Variants in ZNF710 observed in about 807,000 individuals in gnomAD.
ZNF710 encodes the protein zinc finger protein 710.
A neutral mutation model predicts 50.6 loss-of-function variants in ZNF710; 13 were observed. That is an observed-to-expected ratio of 0.26 (90% CI 0.17 to 0.41). ZNF710 has a LOEUF of 0.41. Among genes scored for constraint, ZNF710 ranks in the 10% least tolerant of loss-of-function variants. ZNF710 has a pLI of 1.00. For synonymous variants in ZNF710, 383 were observed against 397.0 expected (o/e 0.96, Z 0.42); for missense variants, 721 against 936.6 (o/e 0.77, Z 3.01).
At chr15:90,018,237 C>T (rs1246734660) in intron 1 of ZNF710, among the ~76,000 whole-genome samples, 2 of 148,556 alleles carry the variant, frequency 1.3e-5, no homozygotes, top group Non-Finnish European at 3.0e-5. Flanking sequence ...GGCGTGATCT[C>T]GACTCACTGC....
intron 1 of ZNF710, among the ~76,000 whole-genome samples, chr15:90,015,974 A>T (rs1304468348): frequency 6.6e-6 from 1 of 152,156 alleles, no homozygotes; most frequent in Non-Finnish European, 1.5e-5. Context: ...AATGTACACT[A>T]TGTACCAACT....
At chr15:90,052,223 A>G (rs538346522) in intron 1 of ZNF710, among the ~76,000 whole-genome samples, 1 of 152,160 alleles carries the variant, frequency 6.6e-6, no homozygotes, top group South Asian at 2.1e-4. Context: ...CTGAAGACCT[A>G]GGGCCCCTTT....
At chr15:90,038,641 C>A (rs1038187751) in intron 1 of ZNF710, among the ~76,000 whole-genome samples, 26 of 151,708 alleles carry the variant, frequency 1.7e-4, no homozygotes, top group African/African-American at 6.3e-4. Context: ...ATCCAAAAAT[C>A]TTCATGCATT....
At chr15:90,015,901 G>A (rs1323367579) in intron 1 of ZNF710, among the ~76,000 whole-genome samples, 7 of 152,126 alleles carry the variant, frequency 4.6e-5, no homozygotes, top group Admixed American at 1.3e-4. Context: ...GAGTCACCGC[G>A]CCCAATGCCA....
At chr15:90,056,852 G>A in intron 1 of ZNF710, among the ~76,000 whole-genome samples, 1 of 152,078 alleles carries the variant, frequency 6.6e-6, no homozygotes, top group East Asian at 1.9e-4. Flanking sequence ...GTTAGTTTAG[G>A]CAGGCTCATT....
chr15:90,014,255 A>G (rs1207278315), intron 1 of ZNF710, among the ~76,000 whole-genome samples: 1 of 152,112 alleles, frequency 6.6e-6, no homozygotes, highest in Non-Finnish European at 1.5e-5. Flanking sequence ...ACCATGGATC[A>G]ACTCTTGACT....
At chr15:90,008,839 A>C (rs1325819718) in intron 1 of ZNF710, among the ~76,000 whole-genome samples, 1 of 152,068 alleles carries the variant, frequency 6.6e-6, no homozygotes, top group Non-Finnish European at 1.5e-5. Flanking sequence ...TCTGATATTA[A>C]ATACATATGC....
Position 90,067,622 on chromosome 15 carries a change from G to A in ZNF710, c.485G>A (p.Ser162Asn). 6.2e-7 allele frequency: 1 copy of A among 1,611,844 alleles called. No individual in the cohort carries two copies. The highest frequency in any genetic ancestry group is 8.5e-7 in the Non-Finnish European group (1 of 1,179,248). The change falls in exon 2 of 5, where the codon AGC (serine) becomes AAC (asparagine). Residue 162 changes from serine to asparagine, a missense_variant. This residue lies in a region of ZNF710 where 326 missense variants were observed against 347.1 expected (regional missense o/e 0.94). Coordinates refer to ENST00000268154, the MANE Select transcript of ZNF710 (RefSeq NM_198526.4). This position sits in a 1 kb window ranked among gnomAD's most constrained non-coding sequence, Gnocchi z 8.1. The part of the protein sequence containing the change: ...QSSAVKMIDL[S>N]AFSRKPRTLR... ...AGCGCCGTCAAGATGATCGACCTCA[G>A]CGCCTTCAGCCGCAAGCCCCGGACG...
At chr15:90,015,808 A>G (rs927197723) in intron 1 of ZNF710, among the ~76,000 whole-genome samples, 12 of 152,142 alleles carry the variant, frequency 7.9e-5, no homozygotes, top group Admixed American at 7.9e-4. Context: ...ACAAGGTCTC[A>G]CTATATTGCC....
chr15:90,021,243 C>T (rs1190349158), intron 1 of ZNF710, among the ~76,000 whole-genome samples: 1 of 152,194 alleles, frequency 6.6e-6, no homozygotes, highest in African/African-American at 2.4e-5. Flanking sequence ...CCTGAAAGAG[C>T]CCCGCTGAAG....
chr15:90,047,534 T>C (rs1899501307), intron 1 of ZNF710, among the ~76,000 whole-genome samples: 1 of 152,098 alleles, frequency 6.6e-6, no homozygotes, highest in Non-Finnish European at 1.5e-5. Flanking sequence ...TCAACCTGGC[T>C]CAAATATCAC....
upstream of ZNF710, among the ~76,000 whole-genome samples, chr15:90,000,687 T>C (rs761146756): frequency 2.6e-4 from 40 of 152,200 alleles, no homozygotes; most frequent in Non-Finnish European, 5.6e-4. Flanking sequence ...ATCTGCCTAC[T>C]TTAAAAATAC....
intron 1 of ZNF710, among the ~76,000 whole-genome samples, chr15:90,030,233 G>A (rs1898892684): frequency 7.0e-6 from 1 of 141,960 alleles, no homozygotes; most frequent in South Asian, 2.2e-4. Flanking sequence ...GGAGGCTGAG[G>A]CAGGAAAATC....
chr15:90,073,097 G>A lies in ZNF710; in HGVS notation c.1485G>A (p.Val495=). Residue 495 remains valine, a synonymous_variant, in exon 3 of 5, where the codon GTG becomes GTA. Coordinates refer to ENST00000268154, the MANE Select transcript of ZNF710 (RefSeq NM_198526.4). ...GCGTGAAGGAGTTCAAGTGCGAGGT[G>A]TGTGGCCGGGAGTTCACCCTACAGG... ...HKGVKEFKCE[V]CGREFTLQAN... is the part of the protein sequence containing the mutation. The A allele has an allele frequency of 6.2e-7, 1 of 1,614,068 alleles. No homozygotes were observed. The highest frequency in any genetic ancestry group is 8.5e-7 in the Non-Finnish European group (1 of 1,180,006).
At chr15:90,077,347 C>A (rs1383090710) in intron 4 of ZNF710, among the ~76,000 whole-genome samples, 1 of 149,866 alleles carries the variant, frequency 6.7e-6, no homozygotes, top group African/African-American at 2.5e-5. Context: ...GGGTTCACGC[C>A]ATTCTCCTGC....
chr15:90,069,277 A>G (rs1032279271), intron 2 of ZNF710, among the ~76,000 whole-genome samples: 6 of 151,650 alleles, frequency 4.0e-5, no homozygotes, highest in African/African-American at 1.2e-4. Context: ...GTGTGGTGGC[A>G]TACACCTATA....
At chr15:90,016,896 C>T (rs988282365) in intron 1 of ZNF710, among the ~76,000 whole-genome samples, 4 of 152,240 alleles carry the variant, frequency 2.6e-5, no homozygotes, top group Non-Finnish European at 5.9e-5. Context: ...AAGCCCAGAG[C>T]CCAGCCAGCC....
At chr15:90,058,500 C>T (rs74036978) in intron 1 of ZNF710, among the ~76,000 whole-genome samples, 6,499 of 152,042 alleles carry the variant, frequency 0.043, 440 homozygotes, top group African/African-American at 0.14. Flanking sequence ...GGTCCCTTGG[C>T]GACTGTCAGT....
intron 1 of ZNF710, among the ~76,000 whole-genome samples, chr15:90,038,151 C>T (rs1792264478): frequency 1.3e-5 from 2 of 152,192 alleles, no homozygotes; most frequent in Admixed American, 1.3e-4. Context: ...ATATGATTTT[C>T]TATGTGTGCC....
Sources: allele counts gnomAD v4.1 joint callset (sites outside exome capture counted in the v4.1 genomes callset), GRCh38; gene constraint gnomAD v4.1.1; regional missense constraint gnomAD v4.1.1; non-coding constraint Gnocchi (gnomAD v3.1); transcripts MANE v1.5; gene names NCBI Gene and HGNC (gene_info 2026-07-23, HGNC 2026-07-21).